RAD18: variants seen among roughly 807,000 people sequenced by gnomAD.
RAD18 encodes the protein RAD18 E3 ubiquitin protein ligase, also known as E3 ubiquitin-protein ligase RAD18.
In RAD18, 47 loss-of-function variants were observed where a neutral mutation model predicts 60.4. The ratio of observed to expected loss-of-function variants is 0.78; its 90% CI spans 0.62 to 0.99. The LOEUF is 0.99. RAD18 is among the 50% of genes least tolerant of loss of function. The pLI is 0.00. For missense variants in RAD18, 640 were observed against 593.3 expected (o/e 1.08, Z -0.82); for synonymous variants, 225 against 195.5 (o/e 1.15, Z -1.26).
Position 8,898,027 on chromosome 3 carries a change from G to A in RAD18, c.1322+867C>T, listed in dbSNP as rs573509540. On this transcript the variant is annotated intron_variant, in intron 11 of 12. Transcript: ENST00000264926. The stretch of plus-strand genomic sequence containing the variant: ...GTGGAGGTTGCAGTGAGCCGAAATC[G>A]CACCACCGCACTCCAGGCTGGGCAA... Among the ~76,000 whole-genome samples the A allele has an allele frequency of 2.0e-5, 3 of 151,958 alleles. No individual in the cohort carries two copies. In the East Asian group the frequency reaches 5.8e-4, roughly 29 times the overall value.
At chr3:8,906,567 ATGT>A (rs1222459326) in intron 9 of RAD18, among the ~76,000 whole-genome samples, 1 of 152,156 alleles carries the variant, frequency 6.6e-6, no homozygotes, top group Non-Finnish European at 1.5e-5. Flanking sequence ...GTGAAATGTA[ATGT>A]TGTCTGTTCA....
rs923439040 is a variant in RAD18, at chr3:8,906,833, C to T, written c.1028-4313G>A. On this transcript the variant is annotated intron_variant, in intron 9 of 12. Transcript: ENST00000264926. The stretch of plus-strand genomic sequence containing the variant: ...AATCAAAATATGTTATTTATGCTAA[C>T]ATGTAATGGGTTTATTGTTAATATT... Among the ~76,000 whole-genome samples, 10 of 148,210 alleles carry T rather than the reference C, an allele frequency of 6.7e-5. No homozygotes were observed. In the South Asian group the frequency reaches 1.3e-3, roughly 19 times the overall value.
intron 6 of RAD18, 75 bp downstream of exon 6, chr3:8,939,479 A>G: frequency 1.7e-6 from 2 of 1,201,782 alleles, no homozygotes; most frequent in Non-Finnish European, 2.4e-6. Flanking sequence ...TAAAAGGAAT[A>G]CTGTAATTTT....
intron 7 of RAD18, among the ~76,000 whole-genome samples, chr3:8,929,669 T>C (rs1440928420): frequency 3.4e-5 from 5 of 147,868 alleles, no homozygotes; most frequent in Admixed American, 6.8e-5. Flanking sequence ...TGAGACGGAG[T>C]CTCACTCTGT....
At chr3:8,885,037 A>G (rs1575530296) in intron 12 of RAD18, among the ~76,000 whole-genome samples, 2 of 152,374 alleles carry the variant, frequency 1.3e-5, no homozygotes, top group South Asian at 4.1e-4. Context: ...ATCTACTGTT[A>G]AAGTGTTGAA....
intron 11 of RAD18, among the ~76,000 whole-genome samples, chr3:8,893,998 C>T (rs948231875): frequency 2.0e-5 from 3 of 152,094 alleles, no homozygotes; most frequent in Admixed American, 1.3e-4. Flanking sequence ...CCAGCCTTCA[C>T]ATTAGCTTTA....
At position 8,879,929 on chromosome 3, in the gene RAD18, C is replaced by G. The variant is rs1270025702; in HGVS notation, c.*1428G>C. 1 of 152,182 alleles carries G rather than the reference C, an allele frequency of 6.6e-6. No individual in the cohort carries two copies. Among genetic ancestry groups the G allele is most frequent in the East Asian group, 1.9e-4 (1 of 5,194 alleles). The allele number at this position is 152,182 out of a possible 1,614,324, so 9.4% of individuals were successfully genotyped here. ...ACTATATAATTTGTCATGAAACAAA[C>G]AGTTTTCATTTTGACATAATTTCTG... On this transcript the variant is annotated 3_prime_UTR_variant, in exon 13 of 13. Transcript: ENST00000264926.
At chr3:8,931,492 G>A (rs1478271892) in intron 7 of RAD18, 1 of 152,386 alleles carries the variant, frequency 6.6e-6, no homozygotes, top group African/African-American at 2.4e-5. Context: ...CTGCCCTGCA[G>A]ATGCTGTCCT....
intron 7 of RAD18, among the ~76,000 whole-genome samples, chr3:8,929,835 G>T (rs1940519705): frequency 6.6e-6 from 1 of 152,130 alleles, no homozygotes; most frequent in Non-Finnish European, 1.5e-5. Flanking sequence ...TAGAGACGGG[G>T]TTTCACCCTG....
chr3:8,927,852 C>T (rs477548), intron 7 of RAD18, among the ~76,000 whole-genome samples: 107,934 of 150,754 alleles, frequency 0.72, 39,037 homozygotes, highest in Middle Eastern at 0.78. Flanking sequence ...TAGGTGGGAA[C>T]TGAACAATGA....
chr3:8,928,049 T>TAAAAAAAAAAAAAAAAAAAAAA (rs58756851), intron 7 of RAD18, among the ~76,000 whole-genome samples: 1 of 121,734 alleles, frequency 8.2e-6, no homozygotes, highest in African/African-American at 2.8e-5. Flanking sequence ...CCCTAAAACT[T>TAAAAAAAAAAAAAAAAAAAAAA]AAAAAAAAAA....
intron 11 of RAD18, among the ~76,000 whole-genome samples, chr3:8,891,953 T>A (rs1426504674): frequency 6.6e-6 from 1 of 152,156 alleles, no homozygotes; most frequent in African/African-American, 2.4e-5. Flanking sequence ...ACAAATAGGA[T>A]TTTACAAAAA....
chr3:8,950,151 C>T (rs1940905574), intron 2 of RAD18, among the ~76,000 whole-genome samples: 1 of 152,122 alleles, frequency 6.6e-6, no homozygotes, highest in African/African-American at 2.4e-5. Context: ...CCGCCTCAGC[C>T]TCCCGAGTAG....
Position 8,922,113 on chromosome 3 carries a change from C to T in RAD18, c.890-8393G>A, listed in dbSNP as rs189813375. On this transcript the variant is annotated intron_variant, in intron 7 of 12. Coordinates refer to ENST00000264926, the MANE Select transcript of RAD18 (RefSeq NM_020165.4). Reference sequence around the variant, plus strand: ...GTGCAGGACAGTGGGAGCGGTGCACCGGGAGTGAGCTGAAGCAGGGCGAGG... The same window carrying T: ...GTGCAGGACAGTGGGAGCGGTGCACTGGGAGTGAGCTGAAGCAGGGCGAGG... 8.7e-4 allele frequency among the ~76,000 whole-genome samples: 133 copies of T among 152,214 alleles called. No individual in the cohort carries two copies. The Middle Eastern group carries it at 0.014, about 16-fold the overall frequency.
rs138212603 is a variant in RAD18, at chr3:8,898,936, A to G, written c.1280T>C (p.Ile427Thr). The change falls in exon 11 of 13, where the codon ATT (isoleucine) becomes ACT (threonine). Residue 427 changes from isoleucine (I) to threonine (T), a missense_variant. Ile to Thr is a moderately conservative substitution (Grantham distance 89). Coordinates refer to ENST00000264926, the MANE Select transcript of RAD18 (RefSeq NM_020165.4). Reference protein sequence around the residue: ...REEDSSSCIDIQEVLSSSESD... With the variant: ...REEDSSSCIDTQEVLSSSESD... ...TTCTGATGAAGAAAGAACTTCTTGA[A>G]TATCAATACAGCTAGAAGAATCCTC... 151 of 1,603,844 alleles carry G rather than the reference A, an allele frequency of 9.4e-5. No individual in the cohort carries two copies. Among genetic ancestry groups the G allele is most frequent in the Non-Finnish European group, 1.2e-4 (136 of 1,174,406 alleles).
intron 4 of RAD18, among the ~76,000 whole-genome samples, chr3:8,943,505 C>A (rs975410900): frequency 6.6e-6 from 1 of 151,670 alleles, no homozygotes; most frequent in South Asian, 2.1e-4. Context: ...CCAAACCAAG[C>A]ACAGAGAGAA....
chr3:8,926,363 A>G (rs9819773), intron 7 of RAD18, among the ~76,000 whole-genome samples: 118 of 152,330 alleles, frequency 7.7e-4, no homozygotes, highest in African/African-American at 2.8e-3. Flanking sequence ...GATGTGAAGG[A>G]CCTCTTCAAG....
intron 2 of RAD18, among the ~76,000 whole-genome samples, chr3:8,953,214 A>G (rs969598296): frequency 2.0e-5 from 3 of 150,674 alleles, no homozygotes; most frequent in Admixed American, 1.3e-4. Flanking sequence ...AATATAGTGT[A>G]TACATTATTA....
At chr3:8,939,445 G>A in intron 6 of RAD18, 109 bp downstream of exon 6, 6 of 856,424 alleles carry the variant, frequency 7.0e-6, no homozygotes, top group South Asian at 1.9e-5. Context: ...AAGCAAGTAA[G>A]AGCAGGAAAT....
Sources: allele counts gnomAD v4.1 joint callset (sites outside exome capture counted in the v4.1 genomes callset), GRCh38; gene constraint gnomAD v4.1.1; transcripts MANE v1.5; gene names NCBI Gene and HGNC (gene_info 2026-07-23, HGNC 2026-07-21).